TNKS: variants seen among roughly 807,000 people sequenced by gnomAD.
TNKS encodes the protein tankyrase.
A neutral mutation model predicts 135.8 loss-of-function variants in TNKS; 72 were observed. That is an observed-to-expected ratio of 0.53 (90% CI 0.44 to 0.64). The LOEUF is 0.64. Among genes scored for constraint, TNKS ranks in the 30% least tolerant of loss-of-function variants. The pLI is 0.00. For missense variants in TNKS, 1,769 were observed against 1,674.0 expected (o/e 1.06, Z -0.99); for synonymous variants, 849 against 649.3 (o/e 1.31, Z -4.68).
At chr8:9,686,729 G>A (rs1803017888) in intron 5 of TNKS, among the ~76,000 whole-genome samples, 1 of 152,016 alleles carries the variant, frequency 6.6e-6, no homozygotes, top group Non-Finnish European at 1.5e-5. Flanking sequence ...ATAATTTTAT[G>A]TGCATCTTTT....
Position 9,582,495 on chromosome 8 carries a change from A to T in TNKS, c.898+2112A>T, listed in dbSNP as rs575984195. ...GCAAATACATTTGATATTTTTGAAA[A>T]GCTAGAGCCCAGCCAAGCCACATTA... On this transcript the variant is annotated intron_variant, in intron 2 of 26. Coordinates refer to ENST00000310430, the MANE Select transcript of TNKS (RefSeq NM_003747.3). Among the ~76,000 whole-genome samples the T allele has an allele frequency of 1.0e-3, 155 of 152,314 alleles. 1 individual carries two copies. The highest frequency in any genetic ancestry group is 2.0e-3 in the Non-Finnish European group (138 of 68,024).
At chr8:9,621,307 C>CTTTTT (rs61318743) in intron 3 of TNKS, among the ~76,000 whole-genome samples, 1 of 142,620 alleles carries the variant, frequency 7.0e-6, no homozygotes, top group East Asian at 2.1e-4. Context: ...CTTATTTTTG[C>CTTTTT]TTTTTTTTTT....
intron 8 of TNKS, among the ~76,000 whole-genome samples, chr8:9,707,728 C>T (rs1313504508): frequency 6.6e-6 from 1 of 152,124 alleles, no homozygotes; most frequent in East Asian, 1.9e-4. Context: ...AAATCTCTCA[C>T]CTGGTTATGA....
chr8:9,617,779 C>T (rs1799698731), intron 3 of TNKS, among the ~76,000 whole-genome samples: 2 of 152,044 alleles, frequency 1.3e-5, no homozygotes, highest in Non-Finnish European at 2.9e-5. Context: ...TATTTTTATG[C>T]CAGATGCAAT....
Position 9,556,007 on chromosome 8 carries a change from G to C in TNKS, c.68G>C (p.Gly23Ala). 5 of 1,613,110 alleles carry C rather than the reference G, an allele frequency of 3.1e-6. No individual in the cohort carries two copies. The highest frequency in any genetic ancestry group is 2.5e-6 in the Non-Finnish European group (3 of 1,179,838). ...CAACAACAGCTCCAGCCCGCCCCAG[G>C]GGCTTCAGCGCCGCCGCCGCCACCT... is the stretch of plus-strand genomic sequence containing the variant. ...HHQQQLQPAPGASAPPPPPPP... is the reference protein window; with the variant it reads ...HHQQQLQPAPAASAPPPPPPP... Residue 23 changes from glycine to alanine, a missense_variant, in exon 1 of 27, where the codon GGG (glycine) becomes GCG (alanine). Physicochemically the swap from Gly to Ala is moderately conservative, Grantham distance 60. Transcript: ENST00000310430.
chr8:9,749,690 A>G (rs1199911976), intron 18 of TNKS, among the ~76,000 whole-genome samples: 1 of 151,908 alleles, frequency 6.6e-6, no homozygotes, highest in Non-Finnish European at 1.5e-5. Flanking sequence ...TATGTTGCCC[A>G]GGTTAGTCTT....
chr8:9,711,782 C>A (rs1014002134), intron 11 of TNKS, among the ~76,000 whole-genome samples: 1 of 152,006 alleles, frequency 6.6e-6, no homozygotes, highest in Non-Finnish European at 1.5e-5. Flanking sequence ...ATGAAGAGAA[C>A]GTTTTGAACA....
intron 2 of TNKS, among the ~76,000 whole-genome samples, chr8:9,582,371 G>C (rs1798198569): frequency 6.6e-6 from 1 of 151,962 alleles, no homozygotes. Context: ...TGAGAGATTA[G>C]TATACAAAAT....
At chr8:9,766,462 CT>C (rs1446648069) in intron 25 of TNKS, 37 bp downstream of exon 25, 3 of 1,413,306 alleles carry the variant, frequency 2.1e-6, no homozygotes, top group Non-Finnish European at 1.9e-6. Flanking sequence ...TTTCCCACCC[CT>C]AGGTCACGAA....
At chr8:9,762,090 T>G (rs116580662) in intron 21 of TNKS, among the ~76,000 whole-genome samples, 356 of 152,362 alleles carry the variant, frequency 2.3e-3, no homozygotes, top group African/African-American at 8.1e-3. Flanking sequence ...TAGGATAGAA[T>G]CAAACATTGC....
At chr8:9,626,567 G>C (rs1016950149) in intron 3 of TNKS, among the ~76,000 whole-genome samples, 1 of 152,192 alleles carries the variant, frequency 6.6e-6, no homozygotes, top group African/African-American at 2.4e-5. Flanking sequence ...GTGATTTTCT[G>C]TTGAAACCTA....
chr8:9,681,330 T>C (rs1802773292), intron 5 of TNKS, among the ~76,000 whole-genome samples: 1 of 152,126 alleles, frequency 6.6e-6, no homozygotes, highest in South Asian at 2.1e-4. Context: ...AGAAAATAGA[T>C]TAAAACAGAG....
intron 3 of TNKS, among the ~76,000 whole-genome samples, chr8:9,661,997 A>G (rs1436401852): frequency 6.6e-6 from 1 of 152,256 alleles, no homozygotes; most frequent in African/African-American, 2.4e-5. Flanking sequence ...GCTGCTCATC[A>G]TCACTGGCCA....
intron 25 of TNKS, among the ~76,000 whole-genome samples, chr8:9,769,295 ACTTTCTTCCCAGTCAGT>A (rs1187233232): frequency 1.3e-5 from 2 of 152,160 alleles, no homozygotes; most frequent in Non-Finnish European, 2.9e-5. Context: ...TATATAATAG[ACTTTCTTCCCAGTCAGT>A]CTTTCTTACT....
intron 2 of TNKS, among the ~76,000 whole-genome samples, chr8:9,598,779 A>G (rs1466807637): frequency 0.044 from 2,127 of 48,588 alleles, 108 homozygotes; most frequent in Non-Finnish European, 0.058. Flanking sequence ...ATATATATAT[A>G]TATATATATA....
intron 2 of TNKS, among the ~76,000 whole-genome samples, chr8:9,607,705 T>C (rs1799284168): frequency 6.6e-6 from 1 of 152,244 alleles, no homozygotes; most frequent in African/African-American, 2.4e-5. Context: ...TTTGTTATTT[T>C]ATATCCATGT....
intron 3 of TNKS, chr8:9,658,372 G>T (rs1053026775): frequency 1.5e-4 from 185 of 1,247,908 alleles, no homozygotes; most frequent in Middle Eastern, 8.7e-4. Context: ...CGGCGCGGCG[G>T]CAAAGACTGA....
intron 2 of TNKS, among the ~76,000 whole-genome samples, chr8:9,591,094 C>T (rs1442661464): frequency 1.3e-5 from 2 of 152,174 alleles, no homozygotes; most frequent in African/African-American, 4.8e-5. Context: ...GGTGAAGGGT[C>T]CAACGTCATG....
chr8:9,738,994 G>C (rs115900304), intron 17 of TNKS, among the ~76,000 whole-genome samples: 3,633 of 152,132 alleles, frequency 0.024, 93 homozygotes, highest in African/African-American at 0.069. Flanking sequence ...AATATTGACA[G>C]TGGGGACTTC....
Sources: gnomAD v4.1 joint callset for allele counts (sites outside exome capture counted in the v4.1 genomes callset) on GRCh38, gnomAD v4.1.1 for gene constraint, MANE v1.5 for transcripts, NCBI Gene and HGNC (gene_info 2026-07-23, HGNC 2026-07-21) for gene names.